Variants in CALN1 observed in about 807,000 individuals in gnomAD.
CALN1 encodes the protein calneuron 1.
Under a neutral mutation model 30.6 loss-of-function variants are expected in CALN1, and 17 were observed. The ratio of observed to expected loss-of-function variants is 0.56; its 90% confidence interval spans 0.38 to 0.83. The LOEUF (loss-of-function observed/expected upper bound fraction) is 0.83. Among genes scored for constraint, CALN1 ranks in the 40% least tolerant of loss-of-function variants. The pLI is 0.00. For synonymous variants in CALN1, 156 were observed against 131.4 expected, an observed-to-expected ratio of 1.19 and a Z score of -1.28; for missense variants, 291 against 354.9, an observed-to-expected ratio of 0.82 and a Z score of 1.45.
chr7:72,368,809 C>CTTTTTT (rs57192078), intron 2 of CALN1, among the ~76,000 whole-genome samples: 1 of 101,506 alleles, frequency 9.9e-6, no homozygotes, highest in Non-Finnish European at 2.0e-5. Context: ...GTTTGAAACC[C>CTTTTTT]TTTTTTTTTT....
chr7:72,054,501 A>G (rs1803099232), intron 4 of CALN1, among the ~76,000 whole-genome samples: 1 of 109,412 alleles, frequency 9.1e-6, no homozygotes, highest in Admixed American at 9.1e-5. Context: ...ACATATATAC[A>G]TATATATACA....
At chr7:72,462,182 T>TATG in the CALN1 span, among the ~76,000 whole-genome samples, 163 of 148,874 alleles carry the variant, frequency 1.1e-3, 1 homozygote, top group African/African-American at 3.4e-3. Context: ...ATGTATGTAT[T>TATG]TATTTATTTA....
intron 5 of CALN1, among the ~76,000 whole-genome samples, chr7:71,994,875 CG>C: frequency 7.2e-6 from 1 of 139,448 alleles, no homozygotes; most frequent in South Asian, 2.3e-4. Flanking sequence ...TTTTTCGAGA[CG>C]GAGTCTGGCT....
At chr7:72,319,914 C>T (rs558665841) in intron 2 of CALN1, among the ~76,000 whole-genome samples, 5 of 152,114 alleles carry the variant, frequency 3.3e-5, no homozygotes, top group South Asian at 4.2e-4. Context: ...GTACACTATT[C>T]GGGCGATGGT....
chr7:71,965,568 C>T (rs972977960), intron 5 of CALN1, among the ~76,000 whole-genome samples: 14 of 151,700 alleles, frequency 9.2e-5, no homozygotes, highest in African/African-American at 3.4e-4. Flanking sequence ...AAAACAGTAA[C>T]AACAAACAAA....
chr7:72,451,543 G>A (rs1020234566), upstream of CALN1, among the ~76,000 whole-genome samples: 28 of 152,006 alleles, frequency 1.8e-4, no homozygotes, highest in African/African-American at 6.8e-4. Flanking sequence ...GATGTCCACA[G>A]CATCCATCAC....
At chr7:72,314,268 A>T (rs1585452103) in intron 2 of CALN1, among the ~76,000 whole-genome samples, 2 of 152,098 alleles carry the variant, frequency 1.3e-5, no homozygotes. Flanking sequence ...GCAGCAAGGG[A>T]CAGCCACTTT....
intron 3 of CALN1, among the ~76,000 whole-genome samples, chr7:72,204,160 T>TTC (rs2129547622): frequency 6.6e-6 from 1 of 151,070 alleles, no homozygotes; most frequent in South Asian, 2.1e-4. Flanking sequence ...GGCTAATTTT[T>TTC]TTTTTTTTGT....
intron 2 of CALN1, among the ~76,000 whole-genome samples, chr7:72,341,431 A>T (rs1478547829): frequency 6.6e-6 from 1 of 152,188 alleles, no homozygotes; most frequent in Admixed American, 6.5e-5. Context: ...GCTGAGGCAC[A>T]AGAATCGCTT....
intron 6 of CALN1, among the ~76,000 whole-genome samples, chr7:71,791,968 G>A (rs938221663): frequency 2.0e-5 from 3 of 151,906 alleles, no homozygotes; most frequent in Non-Finnish European, 2.9e-5. Flanking sequence ...CCGAGATCGC[G>A]CCACTGCACT....
chr7:71,847,772 GAAA>G (rs1484734251), intron 5 of CALN1, among the ~76,000 whole-genome samples: 5 of 126,184 alleles, frequency 4.0e-5, no homozygotes, highest in Non-Finnish European at 7.0e-5. Context: ...AGAAGAAGAA[GAAA>G]GAAGAAGAAG....
At chr7:71,886,479 T>A (rs185499650) in intron 5 of CALN1, among the ~76,000 whole-genome samples, 1 of 152,268 alleles carries the variant, frequency 6.6e-6, no homozygotes, top group East Asian at 1.9e-4. Context: ...GGTCAATTAT[T>A]GCAAGCCTTC....
rs188751567 is a variant in CALN1 at position 72,229,771 on chromosome 7, G to A, written c.244+48915C>T. ...CACAGGGAGGGGAACATCACACACC[G>A]GGGCCTGTCGGAGGGTGGGGAGCAA... On this transcript the variant is annotated intron_variant, in intron 3 of 6. Coordinates refer to ENST00000395275, the MANE Select transcript of CALN1 (RefSeq NM_031468.4). 1.1e-4 allele frequency among the ~76,000 whole-genome samples: 16 copies of A among 152,008 alleles called. 1 individual carries two copies. Among genetic ancestry groups the A allele is most frequent in the Non-Finnish European group, 1.3e-4 (9 of 67,934 alleles).
chr7:72,247,005 C>T (rs1348259636), intron 3 of CALN1, among the ~76,000 whole-genome samples: 7 of 151,988 alleles, frequency 4.6e-5, no homozygotes, highest in African/African-American at 1.4e-4. Context: ...CTGCCCGCCT[C>T]GGCCTCCCGA....
Position 72,097,848 on chromosome 7 carries a change from G to A in CALN1, c.388+8303C>T, listed in dbSNP as rs759717226. Among the ~76,000 whole-genome samples the A allele has an allele frequency of 2.0e-4, 30 of 152,126 alleles. No homozygotes were observed. In the South Asian group the frequency reaches 4.6e-3, roughly 23 times the overall value. ...CCTGCCTCAACCTGCTGAGCAGCTG[G>A]GATTACAGGTGCCTGCCACCATGCC... On this transcript the variant is annotated intron_variant, in intron 4 of 6. Coordinates refer to ENST00000395275, the MANE Select transcript of CALN1 (RefSeq NM_031468.4).
chr7:72,396,253 A>AG (rs1348402084), intron 2 of CALN1, among the ~76,000 whole-genome samples: 3 of 106,236 alleles, frequency 2.8e-5, no homozygotes, highest in East Asian at 6.4e-4. Flanking sequence ...AAAAAAAAAA[A>AG]AAAAGAAAGA....
At chr7:72,053,845 G>T (rs187633145) in intron 4 of CALN1, among the ~76,000 whole-genome samples, 1 of 144,108 alleles carries the variant, frequency 6.9e-6, no homozygotes, top group Non-Finnish European at 1.5e-5. Context: ...ATGCCATCGC[G>T]TCCTCATAGC....
upstream of CALN1, among the ~76,000 whole-genome samples, chr7:72,415,978 C>A (rs748887480): frequency 1.3e-5 from 2 of 152,198 alleles, no homozygotes; most frequent in Non-Finnish European, 2.9e-5. Context: ...GGCTCCATTT[C>A]TTTTAAGGTT....
chr7:72,411,713 C>T (rs115874363), intron 1 of CALN1, among the ~76,000 whole-genome samples: 1 of 152,164 alleles, frequency 6.6e-6, no homozygotes, highest in Non-Finnish European at 1.5e-5. Context: ...AACTGGAAGA[C>T]ACAGCCAATC....
Sources: allele counts gnomAD v4.1 joint callset (sites outside exome capture counted in the v4.1 genomes callset), GRCh38; gene constraint gnomAD v4.1.1; transcripts MANE v1.5; gene names NCBI Gene and HGNC (gene_info 2026-07-23, HGNC 2026-07-21).